CALN1: variants seen among roughly 807,000 people sequenced by gnomAD.
The protein encoded by CALN1 is calcium-binding protein 8.
A neutral mutation model predicts 30.6 loss-of-function variants in CALN1; 17 were observed. The ratio of observed to expected loss-of-function variants is 0.56; its 90% CI spans 0.38 to 0.83. The LOEUF (loss-of-function observed/expected upper bound fraction) is 0.83, where lower values mean the gene tolerates loss of function less well. CALN1 is among the 40% of genes least tolerant of loss of function. CALN1 has a pLI of 0.00. For missense variants in CALN1, 291 were observed against 354.9 expected (o/e 0.82, Z 1.45); for synonymous variants, 156 against 131.4 (o/e 1.19, Z -1.28).
At position 71,971,174 on chromosome 7, in the gene CALN1, C is replaced by A. The variant is rs185029903; in HGVS notation, c.501+52483G>T. On this transcript the variant is annotated intron_variant, in intron 5 of 6. Transcript: ENST00000395275. ...GCCAAAGAAAGGAGATGAGGCCAGG[C>A]GTGGTGGCTCATGCCTGTAATCCCA... Among the ~76,000 whole-genome samples the A allele has an allele frequency of 9.8e-5, 15 of 152,296 alleles. No homozygotes were observed. In the East Asian group the frequency reaches 2.9e-3, roughly 29 times the overall value.
intron 5 of CALN1, among the ~76,000 whole-genome samples, chr7:72,022,618 T>G (rs1377508030): frequency 6.6e-6 from 1 of 152,164 alleles, no homozygotes; most frequent in South Asian, 2.1e-4. Context: ...GGTCTTGAAC[T>G]CCTGGCCTCA....
intron 5 of CALN1, among the ~76,000 whole-genome samples, chr7:71,991,576 T>C (rs1250664896): frequency 6.6e-6 from 1 of 151,982 alleles, no homozygotes; most frequent in Non-Finnish European, 1.5e-5. Context: ...ATCTATAACA[T>C]GATTTTAAAC....
intron 1 of CALN1, among the ~76,000 whole-genome samples, chr7:72,446,713 C>T (rs1302913809): frequency 6.6e-6 from 1 of 152,096 alleles, no homozygotes; most frequent in Non-Finnish European, 1.5e-5. Flanking sequence ...GGAAAGGACC[C>T]GGCCGGGAGG....
chr7:71,944,265 G>A (rs1796285127), intron 5 of CALN1, among the ~76,000 whole-genome samples: 1 of 152,128 alleles, frequency 6.6e-6, no homozygotes, highest in African/African-American at 2.4e-5. Context: ...TGGGCAACAT[G>A]GTGGGACCCC....
intron 1 of CALN1, among the ~76,000 whole-genome samples, chr7:72,435,575 G>C (rs891243875): frequency 6.6e-6 from 1 of 152,192 alleles, no homozygotes; most frequent in Admixed American, 6.5e-5. Flanking sequence ...GCACAGAAGC[G>C]AGGCAGCAGC....
At chr7:71,901,896 CA>C (rs1022948047) in intron 5 of CALN1, among the ~76,000 whole-genome samples, 2 of 152,052 alleles carry the variant, frequency 1.3e-5, no homozygotes, top group Non-Finnish European at 2.9e-5. Flanking sequence ...GCAACAAAAA[CA>C]AAAACCAACA....
At chr7:72,409,271 G>A (rs1222228741) in intron 1 of CALN1, among the ~76,000 whole-genome samples, 1 of 151,928 alleles carries the variant, frequency 6.6e-6, no homozygotes, top group Non-Finnish European at 1.5e-5. Context: ...TGGGATTACA[G>A]GCAGAAGCCA....
At chr7:72,434,356 A>C (rs1316437175) in intron 1 of CALN1, among the ~76,000 whole-genome samples, 2 of 151,058 alleles carry the variant, frequency 1.3e-5, no homozygotes, top group South Asian at 2.1e-4. Flanking sequence ...ACCAAAAAAA[A>C]AAAAAACAAA....
chr7:71,851,844 G>A lies in CALN1; in HGVS notation c.502-41352C>T, dbSNP rs185504281. Reference sequence around the variant, plus strand: ...AACAAATGTGTCTGTGAACTGACAAGAAAGGAAGAAAACTCCAGAGGGCAG... The same window carrying A: ...AACAAATGTGTCTGTGAACTGACAAAAAAGGAAGAAAACTCCAGAGGGCAG... On this transcript the variant is annotated intron_variant, in intron 5 of 6. Transcript: ENST00000395275. 2.4e-3 allele frequency among the ~76,000 whole-genome samples: 370 copies of A among 152,274 alleles called. 1 individual carries two copies. The highest frequency in any genetic ancestry group is 8.3e-3 in the African/African-American group (343 of 41,562).
At chr7:72,421,641 G>A (rs1326017256) in intron 1 of CALN1, among the ~76,000 whole-genome samples, 1 of 135,670 alleles carries the variant, frequency 7.4e-6, no homozygotes, top group East Asian at 2.2e-4. Context: ...GGTGTGCAGT[G>A]GCACAATCTC....
chr7:72,336,617 G>T, intron 2 of CALN1: 1 of 896,568 alleles, frequency 1.1e-6, no homozygotes, highest in Non-Finnish European at 1.3e-6. Context: ...CCGGGGGTTT[G>T]GACACCCTAG....
At chr7:71,941,835 G>C (rs1796147386) in intron 5 of CALN1, among the ~76,000 whole-genome samples, 1 of 152,154 alleles carries the variant, frequency 6.6e-6, no homozygotes, top group South Asian at 2.1e-4. Context: ...CCATGAGTGA[G>C]AATGTTTATT....
chr7:72,033,662 C>T (rs189689953), intron 4 of CALN1, among the ~76,000 whole-genome samples: 1 of 152,112 alleles, frequency 6.6e-6, no homozygotes, highest in Non-Finnish European at 1.5e-5. Flanking sequence ...GGAAGGTGAC[C>T]GACCACCCTT....
chr7:72,191,999 A>G (rs1262935387), intron 3 of CALN1, among the ~76,000 whole-genome samples: 1 of 152,166 alleles, frequency 6.6e-6, no homozygotes, highest in Non-Finnish European at 1.5e-5. Context: ...CAAAAACCAC[A>G]GTTACTTTTG....
At chr7:72,468,267 G>A in the CALN1 span, among the ~76,000 whole-genome samples, 1 of 152,166 alleles carries the variant, frequency 6.6e-6, no homozygotes, top group Non-Finnish European at 1.5e-5. Flanking sequence ...ATTCCTAAGA[G>A]GGGAATTGCT....
At chr7:72,098,371 G>A (rs772524083) in intron 4 of CALN1, among the ~76,000 whole-genome samples, 20 of 152,120 alleles carry the variant, frequency 1.3e-4, no homozygotes, top group Non-Finnish European at 2.4e-4. Context: ...GGAGACCCCA[G>A]GCACTGGGCA....
chr7:72,450,405 C>T (rs551648095), upstream of CALN1, among the ~76,000 whole-genome samples: 18 of 152,266 alleles, frequency 1.2e-4, no homozygotes, highest in Non-Finnish European at 2.2e-4. Context: ...CAGAGCCCCC[C>T]GACCCCCAGC....
intron 5 of CALN1, among the ~76,000 whole-genome samples, chr7:71,878,864 G>A (rs941718649): frequency 2.0e-5 from 3 of 152,200 alleles, no homozygotes; most frequent in Non-Finnish European, 4.4e-5. Flanking sequence ...GACCACAGCC[G>A]TGGAGCTCCA....
chr7:72,200,548 A>AT (rs1276976793), intron 3 of CALN1, among the ~76,000 whole-genome samples: 1 of 152,182 alleles, frequency 6.6e-6, no homozygotes, highest in African/African-American at 2.4e-5. Context: ...GAGTAGCTCC[A>AT]TAACTAGCTC....
Sources: gnomAD v4.1 joint callset for allele counts (sites outside exome capture counted in the v4.1 genomes callset) on GRCh38, gnomAD v4.1.1 for gene constraint, MANE v1.5 for transcripts, NCBI Gene and HGNC (gene_info 2026-07-23, HGNC 2026-07-21) for gene names.